Variants in NRIP3 observed in about 807,000 individuals in gnomAD.
The protein encoded by NRIP3 is nuclear receptor interacting protein 3.
Under a neutral mutation model 29.0 loss-of-function variants are expected in NRIP3, and 31 were observed. That is an observed-to-expected ratio of 1.07 (90% CI 0.80 to 1.44). NRIP3 has a LOEUF of 1.44. Ranked by LOEUF, NRIP3 falls within the 40% of genes most tolerant of loss-of-function variation. The pLI, the probability that NRIP3 is intolerant of heterozygous loss-of-function variation, is 0.00. For missense variants in NRIP3, 314 were observed against 297.9 expected (o/e 1.05, Z -0.40); for synonymous variants, 131 against 118.3 (o/e 1.11, Z -0.70).
chr11:8,988,662 T>C (rs1854554202), intron 1 of NRIP3, among the ~76,000 whole-genome samples: 1 of 152,218 alleles, frequency 6.6e-6, no homozygotes, highest in African/African-American at 2.4e-5. Flanking sequence ...GTAATCTCTG[T>C]ATCTTCCTAG....
Position 9,003,983 on chromosome 11 carries a change from A to T in NRIP3, c.-48T>A. On this transcript the variant is annotated 5_prime_UTR_variant, in exon 1 of 7. Coordinates refer to ENST00000309166, the MANE Select transcript of NRIP3 (RefSeq NM_020645.3). The stretch of plus-strand genomic sequence containing the variant: ...TAGCCCACAGCCCCCCGGCAGCCTC[A>T]GCCTCGAGCTCCTCCAGCGCCGCAA... 7.0e-7 allele frequency: 1 copy of T among 1,427,072 alleles called. No individual in the cohort carries two copies. Among genetic ancestry groups the T allele is most frequent in the South Asian group, 1.4e-5 (1 of 72,364 alleles). 88.4% of individuals were successfully genotyped at this position (1,427,072 alleles called of 1,614,324 possible).
chr11:8,989,272 T>G (rs11042150), intron 1 of NRIP3, among the ~76,000 whole-genome samples: 2 of 152,012 alleles, frequency 1.3e-5, no homozygotes, highest in Admixed American at 1.3e-4. Context: ...CTGGAGAAAT[T>G]TGTATACACA....
At chr11:9,004,100 C>G, upstream of NRIP3, 1 of 532,560 alleles carries the variant, frequency 1.9e-6, no homozygotes, top group Non-Finnish European at 2.9e-6. Context: ...AGAGTCCACG[C>G]CCCGCGCGGC....
rs1321168453 is a variant in NRIP3, at chr11:8,987,715, T to C, written c.340-85A>G. Reference sequence around the variant, plus strand: ...CAGACAGCAAGCAGCAGATGTCATATGAAAGGCAGGGTTGGAGAGCATCCT... The same window carrying C: ...CAGACAGCAAGCAGCAGATGTCATACGAAAGGCAGGGTTGGAGAGCATCCT... On this transcript the variant is annotated intron_variant, in intron 2 of 6. Coordinates refer to ENST00000309166, the MANE Select transcript of NRIP3 (RefSeq NM_020645.3). The C allele has an allele frequency of 2.2e-5, 23 of 1,029,168 alleles. No homozygotes were observed. In the East Asian group the frequency reaches 5.2e-4, roughly 23 times the overall value. The allele number at this position is 1,029,168 out of a possible 1,614,324, so 63.8% of individuals were successfully genotyped here.
At chr11:8,988,388 T>A in intron 1 of NRIP3, 106 bp from the exon 2 acceptor site, 1 of 882,200 alleles carries the variant, frequency 1.1e-6, no homozygotes, top group Non-Finnish European at 1.7e-6. Flanking sequence ...ATAACTGAGC[T>A]CTATCTTTGC....
At position 8,984,002 on chromosome 11, in the gene NRIP3, A is replaced by G. The variant is rs80151612; in HGVS notation, c.616-33T>C. ...CAGGTAACTTGTCAGTGATACCACT[A>G]TGAGTTCCTGTGTAAGAGGATACCT... is the stretch of plus-strand genomic sequence containing the variant. On this transcript the variant is annotated intron_variant, in intron 5 of 6. Coordinates refer to ENST00000309166, the MANE Select transcript of NRIP3 (RefSeq NM_020645.3). 5.4e-3 allele frequency: 8,643 copies of G among 1,605,534 alleles called. 416 individuals are homozygous for G. The African/African-American group carries it at 0.1, about 19-fold the overall frequency.
Position 8,983,071 on chromosome 11 carries a change from C to G in NRIP3, c.*474G>C. 2.2e-6 allele frequency: 1 copy of G among 445,306 alleles called. No individual in the cohort carries two copies. Among genetic ancestry groups the G allele is most frequent in the South Asian group, 1.6e-5 (1 of 61,754 alleles). The allele number at this position is 445,306 out of a possible 1,614,324, so 27.6% of individuals were successfully genotyped here. A position where few individuals can be genotyped will look rare whatever the true frequency, so the allele number is the denominator to read the frequency against. On this transcript the variant is annotated 3_prime_UTR_variant, in exon 7 of 7. Coordinates refer to ENST00000309166, the MANE Select transcript of NRIP3 (RefSeq NM_020645.3). ...TTCACATAATCCATACTTGAGAAAT[C>G]AATGAATCAATTTGAAGAAACTCTA...
In NRIP3 at chr11:8,982,907, G is replaced by T; in HGVS notation, c.*638C>A. Reference sequence around the variant, plus strand: ...CTTGAATACAAATGAGGCAGCATGGGAGTCTTGGCTTGGAAATCAGGTCTG... The same window carrying T: ...CTTGAATACAAATGAGGCAGCATGGTAGTCTTGGCTTGGAAATCAGGTCTG... On this transcript the variant is annotated 3_prime_UTR_variant, in exon 7 of 7. Transcript: ENST00000309166. 2.2e-6 allele frequency: 1 copy of T among 454,926 alleles called. No homozygotes were observed. Among genetic ancestry groups the T allele is most frequent in the South Asian group, 1.6e-5 (1 of 64,052 alleles). 28.2% of individuals were successfully genotyped at this position (454,926 alleles called of 1,614,324 possible).
At chr11:8,989,112 G>T (rs10769979) in intron 1 of NRIP3, among the ~76,000 whole-genome samples, 1 of 152,034 alleles carries the variant, frequency 6.6e-6, no homozygotes, top group East Asian at 1.9e-4. Flanking sequence ...GATGCCTAAT[G>T]TTAAGAAGCA....
chr11:8,987,517 TA>T (rs755431516), intron 3 of NRIP3, 30 bp downstream of exon 3: 11 of 1,482,068 alleles, frequency 7.4e-6, no homozygotes, highest in Non-Finnish European at 9.4e-7. Context: ...CAGTCACATC[TA>T]AGTTCCACTC....
chr11:8,988,033 G>A, intron 2 of NRIP3, 85 bp downstream of exon 2: 1 of 1,308,632 alleles, frequency 7.6e-7, no homozygotes, highest in Non-Finnish European at 1.1e-6. Flanking sequence ...AATTCCATGA[G>A]ACCCACACTC....
chr11:8,987,356 T>G (rs922238068), intron 3 of NRIP3, among the ~76,000 whole-genome samples, 192 bp downstream of exon 3: 2 of 152,170 alleles, frequency 1.3e-5, no homozygotes, highest in South Asian at 4.1e-4. Context: ...CCCTGCTCAC[T>G]GATTTCTCCC....
intron 1 of NRIP3, among the ~76,000 whole-genome samples, chr11:8,992,568 G>A (rs1057407364): frequency 1.3e-5 from 2 of 152,118 alleles, no homozygotes; most frequent in African/African-American, 4.8e-5. Context: ...AATAGTAGAG[G>A]ACTATTCAAC....
At chr11:8,997,230 C>T (rs192231844) in intron 1 of NRIP3, among the ~76,000 whole-genome samples, 1 of 151,588 alleles carries the variant, frequency 6.6e-6, no homozygotes, top group East Asian at 1.9e-4. Context: ...CAAAAATTAG[C>T]CAGGTGTGGT....
At chr11:8,985,596 G>A (rs1589958724) in intron 4 of NRIP3, 115 bp downstream of exon 4, 6 of 1,346,698 alleles carry the variant, frequency 4.5e-6, no homozygotes, top group South Asian at 1.5e-5. Flanking sequence ...ACAAAAAAAT[G>A]GGAACCATTT....
Position 8,981,453 on chromosome 11 carries a change from G to A in NRIP3, c.*2092C>T. 7.2e-6 allele frequency: 1 copy of A among 138,422 alleles called. No homozygotes were observed. Among genetic ancestry groups the A allele is most frequent in the Non-Finnish European group, 1.5e-5 (1 of 65,352 alleles). The allele number at this position is 138,422 out of a possible 1,614,324, so 8.6% of individuals were successfully genotyped here. A position where few individuals can be genotyped will look rare whatever the true frequency, so the allele number is the denominator to read the frequency against. On this transcript the variant is annotated 3_prime_UTR_variant, in exon 7 of 7. Transcript: ENST00000309166. Reference sequence around the variant, plus strand: ...ACTGCACTCCAGCCTGGGCAACAGAGTGAGACTCTGTCTAAAAAAAAAAAA... The same window carrying A: ...ACTGCACTCCAGCCTGGGCAACAGAATGAGACTCTGTCTAAAAAAAAAAAA...
At chr11:8,987,144 ACT>A (rs1194620382) in intron 3 of NRIP3, among the ~76,000 whole-genome samples, 1 of 152,100 alleles carries the variant, frequency 6.6e-6, no homozygotes, top group East Asian at 1.9e-4. Flanking sequence ...CTCCAGAAAG[ACT>A]CTGAGTAAGC....
At position 8,997,299 on chromosome 11, in the gene NRIP3, C is replaced by T. The variant is rs186887117; in HGVS notation, c.174+6463G>A. 6.9e-3 allele frequency among the ~76,000 whole-genome samples: 928 copies of T among 134,480 alleles called. 3 individuals carry two copies. The highest frequency in any genetic ancestry group is 8.7e-3 in the Non-Finnish European group (568 of 65,648). 88.2% of individuals were successfully genotyped at this position (134,480 alleles called of 152,430 possible). A position where few individuals can be genotyped will look rare whatever the true frequency, so the allele number is the denominator to read the frequency against. Reference sequence around the variant, plus strand: ...CTGAGGCAGGAGAATCGCTTGAACCCGGGAGGCGGATCGCACCACTGCACT... The same window carrying T: ...CTGAGGCAGGAGAATCGCTTGAACCTGGGAGGCGGATCGCACCACTGCACT... On this transcript the variant is annotated intron_variant, in intron 1 of 6. Transcript: ENST00000309166.
chr11:8,984,130 A>G lies in NRIP3; in HGVS notation c.563-6T>C. On this transcript the variant is annotated splice_region_variant and splice_polypyrimidine_tract_variant and intron_variant, in intron 4 of 6. Coordinates refer to ENST00000309166, the MANE Select transcript of NRIP3 (RefSeq NM_020645.3). ...CAAGTTTTTCTCATTGTCATCTAATAAAAACAAAAAAATGATTAAGATTTA... is the reference window on the plus strand; with the variant it reads ...CAAGTTTTTCTCATTGTCATCTAATGAAAACAAAAAAATGATTAAGATTTA... 1 of 1,601,216 alleles carries G rather than the reference A, an allele frequency of 6.2e-7. No individual in the cohort carries two copies. Among genetic ancestry groups the G allele is most frequent in the South Asian group, 1.1e-5 (1 of 90,802 alleles).
Sources: gnomAD v4.1 joint callset for allele counts (sites outside exome capture counted in the v4.1 genomes callset) on GRCh38, gnomAD v4.1.1 for gene constraint, MANE v1.5 for transcripts, NCBI Gene and HGNC (gene_info 2026-07-23, HGNC 2026-07-21) for gene names.